ZC3H4: variants seen among roughly 807,000 people sequenced by gnomAD.
The protein encoded by ZC3H4 is zinc finger CCCH-type containing 4.
Under a neutral mutation model 108.3 loss-of-function variants are expected in ZC3H4, and 13 were observed. That is an observed-to-expected ratio of 0.12 (90% CI 0.08 to 0.19). ZC3H4 has a LOEUF of 0.19. Ranked by LOEUF, ZC3H4 falls within the 10% of genes least tolerant of loss-of-function variation. ZC3H4 has a pLI of 1.00. For missense variants in ZC3H4, 1,734 were observed against 1,838.8 expected, an observed-to-expected ratio of 0.94 and a Z score of 1.04; for synonymous variants, 917 against 749.6, an observed-to-expected ratio of 1.22 and a Z score of -3.65.
At chr19:47,111,031 C>T in intron 2 of ZC3H4, 1 of 588,540 alleles carries the variant, frequency 1.7e-6, no homozygotes, top group Non-Finnish European at 2.1e-6. Context: ...CAAGGGAAGC[C>T]CTGGCTGAGA....
At chr19:47,078,123 G>T (rs570986046) in intron 11 of ZC3H4, among the ~76,000 whole-genome samples, 1 of 151,962 alleles carries the variant, frequency 6.6e-6, no homozygotes, top group South Asian at 2.1e-4. Flanking sequence ...TTTTCCAGCC[G>T]TTGAAACTAC....
intron 5 of ZC3H4, 110 bp downstream of exon 5, chr19:47,089,857 C>T: frequency 4.4e-6 from 5 of 1,130,672 alleles, no homozygotes; most frequent in Non-Finnish European, 6.4e-6. Context: ...TCTTTGTACA[C>T]TTATCCCAAC....
chr19:47,086,077 C>A (rs900558625), intron 6 of ZC3H4, among the ~76,000 whole-genome samples: 3 of 152,124 alleles, frequency 2.0e-5, no homozygotes, highest in African/African-American at 7.2e-5. Context: ...CCGTGTTAGC[C>A]AGGATGGTCT....
At chr19:47,078,963 G>A (rs574096834) in intron 11 of ZC3H4, among the ~76,000 whole-genome samples, 1 of 151,642 alleles carries the variant, frequency 6.6e-6, no homozygotes, top group Non-Finnish European at 1.5e-5. Flanking sequence ...GAAGGCGAAG[G>A]TTGCGGTGAG....
intron 5 of ZC3H4, among the ~76,000 whole-genome samples, chr19:47,089,532 T>C (rs1029657816): frequency 1.3e-5 from 2 of 152,184 alleles, no homozygotes; most frequent in African/African-American, 2.4e-5. Context: ...TCAAGCCTCC[T>C]CCACCTTCCT....
intron 11 of ZC3H4, among the ~76,000 whole-genome samples, chr19:47,079,902 CA>C (rs535746706): frequency 2.0e-5 from 3 of 152,124 alleles, no homozygotes; most frequent in African/African-American, 4.8e-5. Context: ...ACAAACAAAA[CA>C]AAAAAACCCT....
rs2122647633 is a variant in ZC3H4, at chr19:47,067,025, C to T, written c.3243G>A (p.Arg1081=). The part of the protein sequence containing the change: ...PRVRKAPTDP[R]LQKPTDSTAS... ...CCGTAGAGTCTGTGGGTTTCTGCAG[C>T]CGAGGGTCGGTGGGGGCCTTCCGCA... is the stretch of plus-strand genomic sequence containing the variant. Residue 1081 remains arginine, a synonymous_variant, in exon 15 of 15, where the codon CGG becomes CGA. Coordinates refer to ENST00000253048, the MANE Select transcript of ZC3H4 (RefSeq NM_015168.2). This position sits in a 1 kb window ranked among gnomAD's most constrained non-coding sequence, Gnocchi z 6.4. 6.3e-7 allele frequency: 1 copy of T among 1,599,536 alleles called. No individual in the cohort carries two copies. Among genetic ancestry groups the T allele is most frequent in the Admixed American group, 1.7e-5 (1 of 58,400 alleles).
chr19:47,071,702 A>G, intron 13 of ZC3H4, 76 bp downstream of exon 13: 1 of 1,470,200 alleles, frequency 6.8e-7, no homozygotes, highest in Non-Finnish European at 9.0e-7. Context: ...GAAGGAAGAA[A>G]AATCACATCT....
At chr19:47,090,402 A>T (rs1361535308) in intron 4 of ZC3H4, among the ~76,000 whole-genome samples, 2 of 152,154 alleles carry the variant, frequency 1.3e-5, no homozygotes, top group African/African-American at 4.8e-5. Context: ...TTCTTCATAA[A>T]GGGCCAGAAC....
Position 47,066,411 on chromosome 19 carries a change from G to A in ZC3H4, c.3857C>T (p.Ser1286Phe). 1 of 1,572,828 alleles carries A rather than the reference G, an allele frequency of 6.4e-7. No individual in the cohort carries two copies. The highest frequency in any genetic ancestry group is 8.6e-7 in the Non-Finnish European group (1 of 1,161,498). ...PAREGEQDAASLKDVFKGFDP... is the reference protein window; with the variant it reads ...PAREGEQDAAFLKDVFKGFDP... ...GAAGCCTTTAAAAACATCCTTCAGG[G>A]ATGCCGCATCCTGCTCACCCTCGCG... The change falls in exon 15 of 15, where the codon TCC (serine) becomes TTC (phenylalanine). Residue 1286 changes from serine (S) to phenylalanine (F), a missense_variant. Transcript: ENST00000253048.
intron 2 of ZC3H4, among the ~76,000 whole-genome samples, chr19:47,105,671 A>T (rs142382601): frequency 6.6e-6 from 1 of 152,172 alleles, no homozygotes. Context: ...TGGCCCGAGA[A>T]TCATAGTTTG....
chr19:47,068,458 A>G (rs902519993), intron 14 of ZC3H4, among the ~76,000 whole-genome samples: 5 of 152,332 alleles, frequency 3.3e-5, no homozygotes, highest in Non-Finnish European at 5.9e-5. Context: ...TCACCAGCTG[A>G]TAAGAGGCAG....
At position 47,067,303 on chromosome 19, in the gene ZC3H4, T is replaced by C. The variant is rs764689178; in HGVS notation, c.2965A>G (p.Ile989Val). ...WNPEDLIPLP[I>V]PKQDAVPPVP... Reference sequence around the variant, plus strand: ...GGGGGCACTGCGTCCTGCTTGGGGATGGGTAGGGGGATCAGGTCCTCGGGA... The same window carrying C: ...GGGGGCACTGCGTCCTGCTTGGGGACGGGTAGGGGGATCAGGTCCTCGGGA... The change falls in exon 15 of 15, where the codon ATC becomes GTC. Residue 989 changes from isoleucine to valine, a missense_variant. Ile to Val is a conservative substitution (Grantham distance 29). This residue lies in a region of ZC3H4 where 518 missense variants were observed against 499.6 expected (regional missense o/e 1.04). Coordinates refer to ENST00000253048, the MANE Select transcript of ZC3H4 (RefSeq NM_015168.2). The surrounding 1 kb of genome is among the most constrained non-coding windows in gnomAD (Gnocchi z 6.4). 1 of 1,590,554 alleles carries C rather than the reference T, an allele frequency of 6.3e-7. No individual in the cohort carries two copies.
In ZC3H4 at chr19:47,112,677, G is replaced by A. The variant is rs1362415876; in HGVS notation, c.-5-88C>T. On this transcript the variant is annotated intron_variant, in intron 1 of 14. Transcript: ENST00000253048. ...CACTTAAGCTCGGAGGGCTCCTGAT[G>A]GGAATGGGGTATATATTTTTTCGGT... is the stretch of plus-strand genomic sequence containing the variant. The A allele has an allele frequency of 6.6e-6, 5 of 756,260 alleles. No individual in the cohort carries two copies. The East Asian group carries it at 1.4e-4, about 20-fold the overall frequency. 46.8% of individuals were successfully genotyped at this position (756,260 alleles called of 1,614,324 possible).
intron 5 of ZC3H4, among the ~76,000 whole-genome samples, chr19:47,088,931 G>A (rs898901144): frequency 4.6e-5 from 7 of 152,136 alleles, no homozygotes; most frequent in African/African-American, 1.4e-4. Flanking sequence ...CAATGGGCCG[G>A]GCGCGGTGGC....
At chr19:47,080,913 G>A (rs532161250) in intron 11 of ZC3H4, among the ~76,000 whole-genome samples, 4 of 152,150 alleles carry the variant, frequency 2.6e-5, no homozygotes, top group East Asian at 1.9e-4. Flanking sequence ...GATTACAAGC[G>A]TGAGCCACCA....
In ZC3H4 at chr19:47,066,328, T is replaced by G; in HGVS notation, c.*28A>C. ...GCCCTGAATGCCACCCTAGGAAGGG[T>G]GGCTGGAGCCGCAGCTCTGGCTGGA... On this transcript the variant is annotated 3_prime_UTR_variant, in exon 15 of 15. Coordinates refer to ENST00000253048, the MANE Select transcript of ZC3H4 (RefSeq NM_015168.2). The G allele has an allele frequency of 6.8e-7, 1 of 1,478,240 alleles. No homozygotes were observed. Among genetic ancestry groups the G allele is most frequent in the Non-Finnish European group, 9.0e-7 (1 of 1,112,762 alleles). 91.6% of individuals were successfully genotyped at this position (1,478,240 alleles called of 1,614,324 possible). A position where few individuals can be genotyped will look rare whatever the true frequency, so the allele number is the denominator to read the frequency against.
chr19:47,087,464 G>A (rs974426925), intron 5 of ZC3H4, among the ~76,000 whole-genome samples: 1 of 151,256 alleles, frequency 6.6e-6, no homozygotes, highest in African/African-American at 2.4e-5. Context: ...GCCAGGTGCA[G>A]TGGCTCAATC....
intron 5 of ZC3H4, 114 bp from the exon 6 acceptor site, chr19:47,086,652 TCTCCTC>T (rs535318899): frequency 3.2e-5 from 44 of 1,383,428 alleles, no homozygotes; most frequent in Admixed American, 1.6e-4. Flanking sequence ...TCCTCCTCCT[TCTCCTC>T]CTCCTCCTCC....
Sources: gnomAD v4.1 joint callset for allele counts (sites outside exome capture counted in the v4.1 genomes callset) on GRCh38, gnomAD v4.1.1 for gene constraint, gnomAD v4.1.1 regional missense constraint, Gnocchi (gnomAD v3.1) non-coding constraint, MANE v1.5 for transcripts, NCBI Gene and HGNC (gene_info 2026-07-23, HGNC 2026-07-21) for gene names.